Variants in AP3D1 observed in about 807,000 individuals in gnomAD.
AP3D1 encodes adaptor related protein complex 3 subunit delta 1, also known as AP-3 complex subunit delta-1.
Under a neutral mutation model 147.6 loss-of-function variants are expected in AP3D1, and 51 were observed. The observed-to-expected ratio is 0.35, with a 90% CI of 0.28 to 0.44. AP3D1 has a LOEUF of 0.44. Ranked by LOEUF, AP3D1 falls within the 20% of genes least tolerant of loss-of-function variation. AP3D1 has a pLI of 1.00. For missense variants in AP3D1, 1,421 were observed against 1,624.2 expected (o/e 0.87, Z 2.15); for synonymous variants, 760 against 663.0 (o/e 1.15, Z -2.25).
At chr19:2,135,334 A>G (rs1599481715) in intron 4 of AP3D1, among the ~76,000 whole-genome samples, 1 of 151,564 alleles carries the variant, frequency 6.6e-6, no homozygotes, top group African/African-American at 2.4e-5. Flanking sequence ...CTGGGAGTTC[A>G]AGACCAGCCT....
intron 1 of AP3D1, among the ~76,000 whole-genome samples, chr19:2,138,946 G>A (rs1036430983): frequency 8.0e-5 from 12 of 150,368 alleles, no homozygotes; most frequent in African/African-American, 2.9e-4. Flanking sequence ...TGTAATCCCA[G>A]CTACTCAGGA....
chr19:2,155,496 T>C (rs549987301), upstream of AP3D1, among the ~76,000 whole-genome samples: 17 of 135,862 alleles, frequency 1.3e-4, no homozygotes, highest in Admixed American at 8.3e-4. Flanking sequence ...ATTGTGCCCC[T>C]GCACTCCAGC....
At chr19:2,112,618 A>G (rs752708970) in intron 24 of AP3D1, 2 of 427,492 alleles carry the variant, frequency 4.7e-6, no homozygotes, top group East Asian at 3.7e-5. Context: ...AATATACAGA[A>G]AACCACTGTA....
intron 1 of AP3D1, among the ~76,000 whole-genome samples, chr19:2,143,022 C>T (rs908865987): frequency 2.6e-5 from 4 of 151,882 alleles, no homozygotes; most frequent in Non-Finnish European, 5.9e-5. Flanking sequence ...CCTCGGCCTC[C>T]CAAAGTGCGG....
rs920134746 is a variant in AP3D1, at chr19:2,109,437, G to C, written c.3351-230C>G. On this transcript the variant is annotated intron_variant, in intron 29 of 31. Transcript: ENST00000643116. ...TAAAGAGGTCACAGAGGTGCCTGAA[G>C]CCATGGGATGGGCCCTCCTCCGACA... is the stretch of plus-strand genomic sequence containing the variant. 3 of 554,702 alleles carry C rather than the reference G, an allele frequency of 5.4e-6. No homozygotes were observed. In the African/African-American group the frequency reaches 5.7e-5, roughly 11 times the overall value. The allele number at this position is 554,702 out of a possible 1,614,324, so 34.4% of individuals were successfully genotyped here.
chr19:2,110,229 C>G lies in AP3D1; in HGVS notation c.3176-5G>C, dbSNP rs759526338. The stretch of plus-strand genomic sequence containing the variant: ...ACTGGGCTTCGTTGGAGACGCCTGG[C>G]GGGGGCGAGAGGGAGTGGGGCCTGA... On this transcript the variant is annotated splice_polypyrimidine_tract_variant and splice_region_variant and intron_variant, in intron 27 of 31. Transcript: ENST00000643116. The G allele has an allele frequency of 1.9e-6, 3 of 1,610,936 alleles. No homozygotes were observed. Among genetic ancestry groups the G allele is most frequent in the Non-Finnish European group, 2.5e-6 (3 of 1,179,748 alleles).
intron 1 of AP3D1, chr19:2,164,321 TG>T (rs2144621162): frequency 8.4e-7 from 1 of 1,190,694 alleles, no homozygotes. Context: ...CCGCCGCCCC[TG>T]GGGACACCCC....
In AP3D1 at chr19:2,138,715, C is replaced by T; in HGVS notation, c.97-1G>A. The stretch of plus-strand genomic sequence containing the variant: ...CAATGCACTGAGATATGTATTTTGC[C>T]TATAATGGGGGATAAACACAGAGAT... On this transcript the variant is annotated splice_acceptor_variant, in intron 1 of 31. Coordinates refer to ENST00000643116, the MANE Select transcript of AP3D1 (RefSeq NM_001261826.3). LOFTEE classifies it high-confidence loss of function. The T allele has an allele frequency of 6.2e-7, 1 of 1,608,366 alleles. No individual in the cohort carries two copies. The highest frequency in any genetic ancestry group is 8.5e-7 in the Non-Finnish European group (1 of 1,176,264).
At chr19:2,117,630 G>A (rs556757427) in intron 15 of AP3D1, among the ~76,000 whole-genome samples, 3 of 152,376 alleles carry the variant, frequency 2.0e-5, no homozygotes, top group African/African-American at 4.8e-5. Flanking sequence ...CCTCCCATCA[G>A]GTCAGTGCCC....
rs369064423 is a variant in AP3D1, at chr19:2,115,198, G to A, written c.2349+21C>T. The A allele has an allele frequency of 3.0e-4, 486 of 1,605,794 alleles. 8 individuals carry two copies. The South Asian group carries it at 4.2e-3, about 14-fold the overall frequency. ...GCGGAAAGATAGACATCCTAGGACC[G>A]GGACCTCCAGCGAGGCTGACCTCAG... On this transcript the variant is annotated intron_variant, in intron 20 of 31. Coordinates refer to ENST00000643116, the MANE Select transcript of AP3D1 (RefSeq NM_001261826.3).
In AP3D1 at chr19:2,111,790, C is replaced by T. The variant is rs2018288013; in HGVS notation, c.2826G>A (p.Glu942=). 6.2e-7 allele frequency: 1 copy of T among 1,613,934 alleles called. No homozygotes were observed. The highest frequency in any genetic ancestry group is 1.1e-5 in the South Asian group (1 of 91,058). The change falls in exon 25 of 32, where the codon GAG becomes GAA. Residue 942 remains glutamate (E), a synonymous_variant. Coordinates refer to ENST00000643116, the MANE Select transcript of AP3D1 (RefSeq NM_001261826.3). The part of the protein sequence containing the change: ...PKPKKKKHRK[E]KEERTKGKKK... ...TCTTGCCTTTGGTCCGCTCCTCCTT[C>T]TCCTTCCTGTGCTTCTTCTTCTTAG... is the stretch of plus-strand genomic sequence containing the variant.
At chr19:2,138,571 G>A in intron 2 of AP3D1, 48 bp downstream of exon 2, 1 of 1,399,596 alleles carries the variant, frequency 7.1e-7, no homozygotes, top group African/African-American at 1.4e-5. Flanking sequence ...GTGCTGAGTG[G>A]AGAAGCAGCC....
intron 29 of AP3D1, 56 bp from the exon 30 acceptor site, chr19:2,109,263 G>T: frequency 3.3e-6 from 5 of 1,512,888 alleles, no homozygotes; most frequent in Non-Finnish European, 4.4e-6. Flanking sequence ...CAGGCTTCCT[G>T]GCACAGAGGC....
At chr19:2,138,444 C>T (rs1218689816) in intron 2 of AP3D1, among the ~76,000 whole-genome samples, 175 bp downstream of exon 2, 1 of 152,234 alleles carries the variant, frequency 6.6e-6, no homozygotes, top group African/African-American at 2.4e-5. Context: ...GTTTGCCAGC[C>T]ATGTGACCAA....
At chr19:2,116,989 T>C (rs2018474020) in intron 16 of AP3D1, 6 of 787,412 alleles carry the variant, frequency 7.6e-6, no homozygotes, top group Non-Finnish European at 1.1e-5. Context: ...CAGAGCTTTA[T>C]GGCAAGGGTG....
chr19:2,129,557 G>T, intron 6 of AP3D1, 100 bp from the exon 7 acceptor site: 1 of 1,408,242 alleles, frequency 7.1e-7, no homozygotes, highest in Non-Finnish European at 9.5e-7. Context: ...GCCTGCAGCA[G>T]CTCCCACTGA....
chr19:2,150,045 T>G (rs989285914), intron 1 of AP3D1, among the ~76,000 whole-genome samples: 1 of 151,954 alleles, frequency 6.6e-6, no homozygotes, highest in Non-Finnish European at 1.5e-5. Context: ...CTCATTAAGG[T>G]GGGGGCAGGC....
At chr19:2,108,661 G>A (rs936436375) in intron 31 of AP3D1, 26 bp downstream of exon 31, 5 of 1,559,686 alleles carry the variant, frequency 3.2e-6, no homozygotes, top group African/African-American at 2.7e-5. Flanking sequence ...CAGGAGCCAG[G>A]GTGTGCACAG....
intron 30 of AP3D1, 22 bp from the exon 31 acceptor site, chr19:2,108,788 T>G (rs1599439591): frequency 6.4e-7 from 1 of 1,554,854 alleles, no homozygotes; most frequent in East Asian, 2.4e-5. Flanking sequence ...CGGGCAGTGT[T>G]AGGCTTCCCG....
Sources: gnomAD v4.1 joint callset for allele counts (sites outside exome capture counted in the v4.1 genomes callset) on GRCh38, gnomAD v4.1.1 for gene constraint, MANE v1.5 for transcripts, NCBI Gene and HGNC (gene_info 2026-07-23, HGNC 2026-07-21) for gene names.